Variants in SORCS3 observed in about 807,000 individuals in gnomAD.
The protein encoded by SORCS3 is VPS10 domain-containing receptor SorCS3.
In SORCS3, 57 loss-of-function variants were observed where a neutral mutation model predicts 146.3. That is an observed-to-expected ratio of 0.39 (90% CI 0.31 to 0.49). The LOEUF is 0.49. Among genes scored for constraint, SORCS3 ranks in the 20% least tolerant of loss-of-function variants. SORCS3 has a pLI of 0.92. For missense variants in SORCS3, 1,341 were observed against 1,575.5 expected (o/e 0.85, Z 2.52); for synonymous variants, 653 against 618.5 (o/e 1.06, Z -0.83).
intron 1 of SORCS3, among the ~76,000 whole-genome samples, chr10:104,739,974 T>G (rs563978757): frequency 4.9e-4 from 75 of 152,316 alleles, no homozygotes; most frequent in Admixed American, 2.4e-3. Flanking sequence ...GGAGATATGG[T>G]ATGTTTAATG....
intron 1 of SORCS3, among the ~76,000 whole-genome samples, chr10:104,763,425 T>C (rs1370476573): frequency 2.0e-5 from 3 of 152,246 alleles, no homozygotes; most frequent in African/African-American, 7.2e-5. Flanking sequence ...TTTTTGCAGA[T>C]TGAATCATGT....
intron 1 of SORCS3, among the ~76,000 whole-genome samples, chr10:104,781,386 T>G (rs1434348326): frequency 6.6e-6 from 1 of 152,230 alleles, no homozygotes; most frequent in Non-Finnish European, 1.5e-5. Context: ...TGTGTCACAG[T>G]GCTCTATGGT....
intron 3 of SORCS3, among the ~76,000 whole-genome samples, chr10:104,919,749 C>T (rs2019068672): frequency 1.3e-5 from 2 of 152,084 alleles, no homozygotes; most frequent in Admixed American, 6.6e-5. Context: ...GTGCTTTCCT[C>T]ATCATCCAAG....
intron 7 of SORCS3, among the ~76,000 whole-genome samples, chr10:105,119,135 G>T (rs118064558): frequency 6.6e-6 from 1 of 152,100 alleles, no homozygotes; most frequent in Non-Finnish European, 1.5e-5. Flanking sequence ...TTGGTACCCC[G>T]CATCCCAGCC....
intron 5 of SORCS3, among the ~76,000 whole-genome samples, chr10:105,074,516 G>A (rs2055576767): frequency 1.3e-5 from 2 of 152,194 alleles, no homozygotes; most frequent in Non-Finnish European, 1.5e-5. Flanking sequence ...AATTCAGTGA[G>A]ATAACACACA....
chr10:105,250,001 C>A (rs574293929), intron 22 of SORCS3, among the ~76,000 whole-genome samples: 2 of 152,212 alleles, frequency 1.3e-5, no homozygotes, highest in South Asian at 4.2e-4. Flanking sequence ...GGCTTATAAA[C>A]AACAGAAGTG....
In SORCS3 at chr10:104,641,822, G is replaced by A. The variant is rs769055611; in HGVS notation, c.495G>A (p.Arg165=). The A allele has an allele frequency of 6.4e-7, 1 of 1,558,238 alleles. No homozygotes were observed. Among genetic ancestry groups the A allele is most frequent in the Non-Finnish European group, 8.7e-7 (1 of 1,152,888 alleles). The part of the protein sequence containing the change: ...RGSRPLAKGS[R]EEVKAPRAGG... ...GCCGTCCCCTTGCTAAGGGTTCCCG[G>A]GAGGAGGTGAAGGCGCCGCGGGCTG... The change falls in exon 1 of 27, where the codon CGG becomes CGA. Residue 165 remains arginine, a synonymous_variant. Transcript: ENST00000369701. The surrounding 1 kb of genome is among the most constrained non-coding windows in gnomAD (Gnocchi z 6.4).
At chr10:105,151,077 ACT>A (rs2056164649) in intron 9 of SORCS3, among the ~76,000 whole-genome samples, 1 of 152,122 alleles carries the variant, frequency 6.6e-6, no homozygotes, top group Non-Finnish European at 1.5e-5. Flanking sequence ...GATACAAGTG[ACT>A]CTATTAGGGT....
rs1564793588 is a variant in SORCS3, at chr10:105,242,534, A to ATATACATT, written c.2869-3004_2869-3003insCATTTATA. Among the ~76,000 whole-genome samples, 32 of 89,320 alleles carry ATATACATT rather than the reference A, an allele frequency of 3.6e-4. 1 individual carries two copies. The highest frequency in any genetic ancestry group is 1.4e-3 in the African/African-American group (30 of 21,596). The allele number at this position is 89,320 out of a possible 152,430, so 58.6% of individuals were successfully genotyped here. On this transcript the variant is annotated intron_variant, in intron 20 of 26. Transcript: ENST00000369701. ...TATTTATATACATTTATATATATTTATATATATTTATATATTTATATACAT... is the reference window on the plus strand; with the variant it reads ...TATTTATATACATTTATATATATTTATATACATTTATATATTTATATATTTATATACAT...
chr10:104,744,298 A>T (rs761425925), intron 1 of SORCS3, among the ~76,000 whole-genome samples: 1 of 152,110 alleles, frequency 6.6e-6, no homozygotes, highest in Non-Finnish European at 1.5e-5. Flanking sequence ...TCCCTCCCCT[A>T]TGGTGCTCTG....
intron 1 of SORCS3, among the ~76,000 whole-genome samples, chr10:104,787,587 C>G (rs2017453102): frequency 6.6e-6 from 1 of 152,104 alleles, no homozygotes; most frequent in South Asian, 2.1e-4. Flanking sequence ...CCATCTGATG[C>G]TCTTGGTGGA....
intron 1 of SORCS3, among the ~76,000 whole-genome samples, chr10:104,753,100 G>A (rs1246373012): frequency 2.0e-5 from 3 of 152,172 alleles, no homozygotes; most frequent in Non-Finnish European, 2.9e-5. Flanking sequence ...TCTATTGACT[G>A]ACCTTTTAAT....
intron 1 of SORCS3, among the ~76,000 whole-genome samples, chr10:104,678,930 A>C (rs1352587363): frequency 6.6e-6 from 1 of 152,226 alleles, no homozygotes; most frequent in Admixed American, 6.5e-5. Context: ...CCCTATTGTA[A>C]AATAAACCAT....
chr10:104,725,027 A>C (rs2016606841), intron 1 of SORCS3, among the ~76,000 whole-genome samples: 1 of 152,170 alleles, frequency 6.6e-6, no homozygotes, highest in African/African-American at 2.4e-5. Context: ...GAGGAGCTGC[A>C]TTCCTTTGGA....
At chr10:104,809,672 G>T (rs2451476) in intron 1 of SORCS3, among the ~76,000 whole-genome samples, 1 of 151,942 alleles carries the variant, frequency 6.6e-6, no homozygotes, top group Non-Finnish European at 1.5e-5. Context: ...TTCTCCAAGC[G>T]GGACTGCTTT....
intron 5 of SORCS3, among the ~76,000 whole-genome samples, chr10:105,047,741 T>C (rs1486271716): frequency 6.6e-6 from 1 of 152,098 alleles, no homozygotes; most frequent in Non-Finnish European, 1.5e-5. Flanking sequence ...TGTAGGTCTT[T>C]ATTGTACTTT....
chr10:104,813,991 T>A (rs1247635577), intron 1 of SORCS3, among the ~76,000 whole-genome samples: 2 of 151,742 alleles, frequency 1.3e-5, no homozygotes, highest in Admixed American at 1.3e-4. Flanking sequence ...AGACTTATGT[T>A]TTTTTCCCCC....
chr10:105,103,810 T>C (rs887063625), intron 6 of SORCS3, among the ~76,000 whole-genome samples: 4 of 152,222 alleles, frequency 2.6e-5, no homozygotes, highest in East Asian at 3.8e-4. Context: ...ATGTAATGAA[T>C]ACATTTCCCA....
intron 16 of SORCS3, among the ~76,000 whole-genome samples, chr10:105,208,292 G>A (rs2056614408): frequency 6.6e-6 from 1 of 151,220 alleles, no homozygotes; most frequent in African/African-American, 2.4e-5. Context: ...AGTGATCTGA[G>A]ATCGCGTCCC....
Sources: gnomAD v4.1 joint callset for allele counts (sites outside exome capture counted in the v4.1 genomes callset) on GRCh38, gnomAD v4.1.1 for gene constraint, Gnocchi (gnomAD v3.1) non-coding constraint, MANE v1.5 for transcripts, NCBI Gene and HGNC (gene_info 2026-07-23, HGNC 2026-07-21) for gene names.